Variants in RILPL1 observed in about 807,000 individuals in gnomAD.
The protein encoded by RILPL1 is RILP-like protein 1.
RILPL1 carries 33 observed loss-of-function variants against 50.3 expected under a neutral mutation model. That is an observed-to-expected ratio of 0.66 (90% CI 0.50 to 0.88). RILPL1 has a LOEUF of 0.88. RILPL1 is among the 40% of genes least tolerant of loss of function. The pLI, the probability that RILPL1 is intolerant of heterozygous loss-of-function variation, is 0.00. For synonymous variants in RILPL1, 205 were observed against 228.6 expected, an observed-to-expected ratio of 0.90 and a Z score of 0.93; for missense variants, 418 against 542.5, an observed-to-expected ratio of 0.77 and a Z score of 2.28.
rs770474413 is a variant in RILPL1, at chr12:123,523,585, C to T, written c.370G>A (p.Ala124Thr). 9.9e-6 allele frequency: 16 copies of T among 1,613,810 alleles called. No homozygotes were observed. Among genetic ancestry groups the T allele is most frequent in the South Asian group, 9.9e-5 (9 of 91,086 alleles). ...TGCTTGTTCTCCTCCTGCAGCTGGGCGATCTGGGAGAGGAGGTCCTGCGCC... is the reference window on the plus strand; with the variant it reads ...TGCTTGTTCTCCTCCTGCAGCTGGGTGATCTGGGAGAGGAGGTCCTGCGCC... The part of the protein sequence containing the change: ...GEAQDLLSQI[A>T]QLQEENKQLM... Residue 124 changes from alanine (A) to threonine (T), a missense_variant, in exon 2 of 7, where the codon GCC becomes ACC. Physicochemically the swap from Ala to Thr is moderately conservative, Grantham distance 58 (BLOSUM62 0). Transcript: ENST00000376874.
intron 1 of RILPL1, among the ~76,000 whole-genome samples, chr12:123,525,142 AT>A (rs1885205735): frequency 6.6e-6 from 1 of 151,926 alleles, no homozygotes; most frequent in Non-Finnish European, 1.5e-5. Context: ...GGAAAAAATA[AT>A]AATAATAAAT....
At chr12:123,527,498 A>G (rs1347333761) in intron 1 of RILPL1, among the ~76,000 whole-genome samples, 2 of 152,110 alleles carry the variant, frequency 1.3e-5, no homozygotes, top group African/African-American at 4.8e-5. Context: ...TTAGCTGGGC[A>G]TGGTGGCGTG....
chr12:123,478,051 C>T (rs1030585365), intron 6 of RILPL1, among the ~76,000 whole-genome samples: 2 of 129,766 alleles, frequency 1.5e-5, no homozygotes, highest in Non-Finnish European at 3.1e-5. Flanking sequence ...AGCTGGAGTG[C>T]AGTGGTGCAA....
chr12:123,477,987 CTTT>C (rs56296800), intron 6 of RILPL1, among the ~76,000 whole-genome samples: 581 of 41,126 alleles, frequency 0.014, 9 homozygotes, highest in African/African-American at 0.049. Flanking sequence ...ATCTGTATGT[CTTT>C]TTTTTTTTTT....
chr12:123,532,754 T>TG (rs11442373), intron 1 of RILPL1, among the ~76,000 whole-genome samples: 36,560 of 143,790 alleles, frequency 0.25, 5,885 homozygotes, highest in African/African-American at 0.41. Flanking sequence ...CACATCTTCT[T>TG]GGTAACTCGG....
At chr12:123,532,702 C>CCGG (rs1885475596) in intron 1 of RILPL1, among the ~76,000 whole-genome samples, 1 of 20,738 alleles carries the variant, frequency 4.8e-5, no homozygotes, top group South Asian at 1.7e-3. Flanking sequence ...TCTGGGGAGA[C>CCGG]TGGGGGGGGG....
intron 2 of RILPL1, among the ~76,000 whole-genome samples, chr12:123,511,731 G>A (rs1385801970): frequency 7.0e-6 from 1 of 143,550 alleles, no homozygotes; most frequent in Non-Finnish European, 1.5e-5. Context: ...AGGTTTGTGT[G>A]TGTGGTGTGT....
chr12:123,503,185 C>CATTT (rs1566128944), intron 2 of RILPL1, among the ~76,000 whole-genome samples: 4 of 94,774 alleles, frequency 4.2e-5, no homozygotes, highest in African/African-American at 1.2e-4. Flanking sequence ...CCACGCCTGG[C>CATTT]CTTTTTTTTT....
At chr12:123,517,294 C>A (rs965977271) in intron 2 of RILPL1, among the ~76,000 whole-genome samples, 43 of 152,008 alleles carry the variant, frequency 2.8e-4, no homozygotes, top group South Asian at 6.2e-4. Flanking sequence ...CTCTGGCCTG[C>A]AGAACTATGA....
rs1471393749 is a variant in RILPL1 at position 123,481,473 on chromosome 12, AG to A, written c.1067+2706del. On this transcript the variant is annotated intron_variant, in intron 6 of 6. Transcript: ENST00000376874. ...GGAGCCCACAGAGGAAAACCAAGCC[AG>A]GGGTGGAGGAAACAAGGCCTGGATC... Among the ~76,000 whole-genome samples, 3 of 152,126 alleles carry A rather than the reference AG, an allele frequency of 2.0e-5. No homozygotes were observed. The East Asian group carries it at 5.8e-4, about 29-fold the overall frequency.
chr12:123,475,664 A>G, intron 6 of RILPL1: 1 of 1,583,772 alleles, frequency 6.3e-7, no homozygotes, highest in Non-Finnish European at 8.5e-7. Flanking sequence ...AGTGCCTACA[A>G]GGGAAACAAG....
intron 1 of RILPL1, among the ~76,000 whole-genome samples, chr12:123,530,402 G>A (rs1343696620): frequency 6.6e-6 from 1 of 152,180 alleles, no homozygotes; most frequent in Non-Finnish European, 1.5e-5. Context: ...CTGACCTCAA[G>A]TGATCCACCC....
Position 123,532,703 on chromosome 12 carries a change from T to TGGC in RILPL1, c.309+470_309+471insGCC, listed in dbSNP as rs1555270609. Among the ~76,000 whole-genome samples, 2 of 23,626 alleles carry TGGC rather than the reference T, an allele frequency of 8.5e-5. 1 individual carries two copies. The highest frequency in any genetic ancestry group is 2.0e-4 in the Non-Finnish European group (2 of 10,224). 15.5% of individuals were successfully genotyped at this position (23,626 alleles called of 152,430 possible). A position where few individuals can be genotyped will look rare whatever the true frequency, so the allele number is the denominator to read the frequency against. ...CACATTCCCTTTGCTCTGGGGAGAC[T>TGGC]GGGGGGGGGGGGGATGAAGAAAGGG... On this transcript the variant is annotated intron_variant, in intron 1 of 6. Coordinates refer to ENST00000376874, the MANE Select transcript of RILPL1 (RefSeq NM_178314.5).
In RILPL1 at chr12:123,485,395, C is replaced by T. The variant is rs1042337804; in HGVS notation, c.974+238G>A. 2.0e-5 allele frequency among the ~76,000 whole-genome samples: 3 copies of T among 151,914 alleles called. No homozygotes were observed. On this transcript the variant is annotated intron_variant, in intron 5 of 6. Coordinates refer to ENST00000376874, the MANE Select transcript of RILPL1 (RefSeq NM_178314.5). The surrounding 1 kb of genome is among the most constrained non-coding windows in gnomAD (Gnocchi z 4.0). ...AATGCCTGGGATCAAGCAATCTTCC[C>T]GCCTCGGCCTCCCAAAATACTGGAA...
chr12:123,516,819 G>C (rs555606424), intron 2 of RILPL1, among the ~76,000 whole-genome samples: 2 of 152,312 alleles, frequency 1.3e-5, no homozygotes, highest in Admixed American at 1.3e-4. Context: ...CCAGCACTTT[G>C]GGAGACTGAG....
intron 6 of RILPL1, among the ~76,000 whole-genome samples, chr12:123,481,435 G>T (rs1881993763): frequency 6.6e-6 from 1 of 152,042 alleles, no homozygotes; most frequent in Non-Finnish European, 1.5e-5. Flanking sequence ...GGCTGGACTG[G>T]ACACCCAAGA....
At chr12:123,524,368 A>G (rs1027269675) in intron 1 of RILPL1, among the ~76,000 whole-genome samples, 1 of 152,182 alleles carries the variant, frequency 6.6e-6, no homozygotes, top group Non-Finnish European at 1.5e-5. Flanking sequence ...ATTTTGGAAA[A>G]CACTCTGGCA....
intron 4 of RILPL1, among the ~76,000 whole-genome samples, chr12:123,497,552 C>G (rs559410714): frequency 6.6e-6 from 1 of 151,698 alleles, no homozygotes; most frequent in African/African-American, 2.4e-5. Flanking sequence ...CCACACCCAG[C>G]TAATTTTGTA....
At position 123,489,672 on chromosome 12, in the gene RILPL1, A is replaced by T. The variant is rs1403011255; in HGVS notation, c.802-3867T>A. Among the ~76,000 whole-genome samples the T allele has an allele frequency of 9.3e-6, 1 of 107,130 alleles. No homozygotes were observed. Among genetic ancestry groups the T allele is most frequent in the Non-Finnish European group, 2.3e-5 (1 of 43,986 alleles). 70.3% of individuals were successfully genotyped at this position (107,130 alleles called of 152,430 possible). Reference sequence around the variant, plus strand: ...GAGCGACAGAGTAAGACTCCATCTTAAAAAAAAAAAAAATAGTGCACAGAC... The same window carrying T: ...GAGCGACAGAGTAAGACTCCATCTTTAAAAAAAAAAAAATAGTGCACAGAC... On this transcript the variant is annotated intron_variant, in intron 4 of 6. Transcript: ENST00000376874. The surrounding 1 kb of genome is among the most constrained non-coding windows in gnomAD (Gnocchi z 4.0).
Sources: allele counts gnomAD v4.1 joint callset (sites outside exome capture counted in the v4.1 genomes callset), GRCh38; gene constraint gnomAD v4.1.1; non-coding constraint Gnocchi (gnomAD v3.1); transcripts MANE v1.5; gene names NCBI Gene and HGNC (gene_info 2026-07-23, HGNC 2026-07-21).